Variants in ACYP2 observed in about 807,000 individuals in gnomAD.
ACYP2 encodes acylphosphatase-2.
Under a neutral mutation model 11.2 loss-of-function variants are expected in ACYP2, and 12 were observed. That is an observed-to-expected ratio of 1.08 (90% CI 0.69 to 1.74). ACYP2 has a LOEUF of 1.74. Ranked by LOEUF, ACYP2 falls within the 40% of genes most tolerant of loss-of-function variation. The probability of loss-of-function intolerance (pLI) is 0.00; values close to 1 mark genes in which losing one functional copy is unlikely to be tolerated. For missense variants in ACYP2, 134 were observed against 101.9 expected (o/e 1.31, Z -1.35); for synonymous variants, 43 against 32.2 (o/e 1.33, Z -1.13).
At position 54,241,961 on chromosome 2, in the gene ACYP2, C is replaced by T. The variant is rs1383559229; in HGVS notation, c.405-62727C>T. On this transcript the variant is annotated intron_variant, in intron 6 of 6. Coordinates refer to ENST00000607452, the MANE Select transcript of ACYP2 (RefSeq NM_001320586.2). ...CCCAGGAGGCAGAGGTTGCAGTGAG[C>T]CAAGATCACGCCATTGCACTCCAGC... is the stretch of plus-strand genomic sequence containing the variant. Among the ~76,000 whole-genome samples, 3 of 152,190 alleles carry T rather than the reference C, an allele frequency of 2.0e-5. No individual in the cohort carries two copies. In the East Asian group the frequency reaches 5.8e-4, roughly 29 times the overall value.
intron 3 of ACYP2, among the ~76,000 whole-genome samples, chr2:54,054,809 T>C (rs1379861070): frequency 6.6e-6 from 1 of 152,180 alleles, no homozygotes; most frequent in African/African-American, 2.4e-5. Context: ...ATTTGACATA[T>C]CTCCCATTGT....
At chr2:54,287,178 G>A (rs1689112344) in intron 6 of ACYP2, among the ~76,000 whole-genome samples, 1 of 151,916 alleles carries the variant, frequency 6.6e-6, no homozygotes, top group South Asian at 2.1e-4. Context: ...GTCTGATAAT[G>A]GCCTGATCTC....
chr2:54,006,117 G>T (rs1673050828), intron 2 of ACYP2, among the ~76,000 whole-genome samples: 1 of 152,078 alleles, frequency 6.6e-6, no homozygotes, highest in Admixed American at 6.6e-5. Flanking sequence ...CTGAGTAGCT[G>T]GGACTACAGG....
intron 2 of ACYP2, among the ~76,000 whole-genome samples, chr2:54,047,058 G>A (rs1048431713): frequency 2.0e-5 from 3 of 152,172 alleles, no homozygotes; most frequent in Non-Finnish European, 2.9e-5. Flanking sequence ...TATCATCAGT[G>A]ACAAAGATTT....
intron 6 of ACYP2, among the ~76,000 whole-genome samples, chr2:54,278,771 T>C (rs903592050): frequency 3.3e-5 from 5 of 152,264 alleles, no homozygotes; most frequent in Non-Finnish European, 7.3e-5. Flanking sequence ...CCTATAGGTT[T>C]CTTTTGCCAG....
chr2:54,177,390 A>G (rs944475800), intron 6 of ACYP2, among the ~76,000 whole-genome samples: 3 of 152,114 alleles, frequency 2.0e-5, no homozygotes, highest in African/African-American at 7.2e-5. Context: ...TTTTGCTGGT[A>G]GTTACTTCCT....
At chr2:54,172,377 T>C (rs1572887506) in intron 6 of ACYP2, among the ~76,000 whole-genome samples, 1 of 152,226 alleles carries the variant, frequency 6.6e-6, no homozygotes, top group African/African-American at 2.4e-5. Flanking sequence ...GTGCTTTGTT[T>C]ATGAACACAT....
intron 6 of ACYP2, among the ~76,000 whole-genome samples, chr2:54,182,017 A>T: frequency 6.6e-6 from 1 of 151,548 alleles, no homozygotes; most frequent in East Asian, 1.9e-4. Flanking sequence ...GCCACTAAAA[A>T]TAACAAAGAA....
intron 4 of ACYP2, among the ~76,000 whole-genome samples, chr2:54,063,803 C>T (rs1676594977): frequency 6.6e-6 from 1 of 152,072 alleles, no homozygotes; most frequent in African/African-American, 2.4e-5. Context: ...CATCTTTTTC[C>T]TGCCAGGACC....
intron 2 of ACYP2, among the ~76,000 whole-genome samples, chr2:54,038,682 T>C (rs1675044023): frequency 2.6e-5 from 1 of 37,974 alleles, no homozygotes; most frequent in Non-Finnish European, 5.6e-5. Flanking sequence ...ACTATATATA[T>C]ATATATATAT....
intron 2 of ACYP2, among the ~76,000 whole-genome samples, chr2:54,013,742 A>G (rs577494177): frequency 0.013 from 1,242 of 94,474 alleles, 18 homozygotes; most frequent in African/African-American, 0.063. Context: ...AAAAAAAAAA[A>G]AGAGAGAGAG....
At chr2:54,197,613 C>A (rs1307133615) in intron 6 of ACYP2, among the ~76,000 whole-genome samples, 2 of 152,098 alleles carry the variant, frequency 1.3e-5, no homozygotes, top group Non-Finnish European at 2.9e-5. Flanking sequence ...AGCTGAGACC[C>A]CAATGGCAAG....
At chr2:54,235,108 A>G (rs1274472856) in intron 6 of ACYP2, among the ~76,000 whole-genome samples, 2 of 152,252 alleles carry the variant, frequency 1.3e-5, no homozygotes, top group East Asian at 3.9e-4. Flanking sequence ...TGTTTAACCA[A>G]CATTTTGCTT....
Position 54,304,678 on chromosome 2 carries a change from T to G in ACYP2, c.405-10T>G, listed in dbSNP as rs1412151804. ...ATGCTAATTTTATTTATTTATCTGT[T>G]TTTTTATAGGAAGTCCTGGCTGAGC... is the stretch of plus-strand genomic sequence containing the variant. On this transcript the variant is annotated splice_polypyrimidine_tract_variant and intron_variant, in intron 6 of 6. Transcript: ENST00000607452. The G allele has an allele frequency of 6.3e-6, 10 of 1,595,332 alleles. No homozygotes were observed. The highest frequency in any genetic ancestry group is 8.6e-6 in the Non-Finnish European group (10 of 1,168,202).
intron 2 of ACYP2, among the ~76,000 whole-genome samples, chr2:54,027,983 C>T (rs1463744543): frequency 6.6e-6 from 1 of 151,848 alleles, no homozygotes; most frequent in African/African-American, 2.4e-5. Context: ...GCTGGGGTTA[C>T]AGGTGCCTGC....
chr2:54,281,566 A>C (rs1688850756), intron 6 of ACYP2, among the ~76,000 whole-genome samples: 1 of 152,190 alleles, frequency 6.6e-6, no homozygotes, highest in Non-Finnish European at 1.5e-5. Context: ...ATGTGGCAGA[A>C]ATCACCAGAG....
chr2:54,002,132 G>A (rs1672831015), intron 2 of ACYP2, among the ~76,000 whole-genome samples: 1 of 152,144 alleles, frequency 6.6e-6, no homozygotes, highest in Admixed American at 6.5e-5. Context: ...TAATTTCAAT[G>A]TTCTAAATAT....
chr2:54,235,242 T>C lies in ACYP2; in HGVS notation c.405-69446T>C, dbSNP rs1686420994. 3.3e-5 allele frequency among the ~76,000 whole-genome samples: 5 copies of C among 152,060 alleles called. No homozygotes were observed. In the South Asian group the frequency reaches 1.0e-3, roughly 32 times the overall value. On this transcript the variant is annotated intron_variant, in intron 6 of 6. Transcript: ENST00000607452. ...AGGATGGGGAGAATGTTTCCTATTC[T>C]CTGTTTTATTCTCTGGAAGAATTTA...
At chr2:54,182,047 ATTTTTTTT>A (rs35145998) in intron 6 of ACYP2, among the ~76,000 whole-genome samples, 24 of 83,064 alleles carry the variant, frequency 2.9e-4, no homozygotes, top group African/African-American at 5.7e-4. Flanking sequence ...ATAGAAGATA[ATTTTTTTT>A]TTTTTTTTTT....
Sources: allele counts gnomAD v4.1 joint callset (sites outside exome capture counted in the v4.1 genomes callset), GRCh38; gene constraint gnomAD v4.1.1; transcripts MANE v1.5; gene names NCBI Gene and HGNC (gene_info 2026-07-23, HGNC 2026-07-21).